The following UBE3C variants were observed in gnomAD, a reference collection of about 807,000 sequenced individuals.
UBE3C encodes ubiquitin-protein ligase E3C.
In UBE3C, 42 loss-of-function variants were observed where a neutral mutation model predicts 129.4. The ratio of observed to expected loss-of-function variants is 0.32; its 90% confidence interval spans 0.25 to 0.42. The LOEUF is 0.42. Among genes scored for constraint, UBE3C ranks in the 10% least tolerant of loss-of-function variants. The pLI, the probability that UBE3C is intolerant of heterozygous loss-of-function variation, is 1.00. For synonymous variants in UBE3C, 510 were observed against 492.4 expected (o/e 1.04, Z -0.47); for missense variants, 1,049 against 1,319.1 (o/e 0.80, Z 3.17).
intron 1 of UBE3C, among the ~76,000 whole-genome samples, chr7:157,139,639 G>C (rs1298946591): frequency 6.6e-6 from 1 of 152,238 alleles, no homozygotes; most frequent in African/African-American, 2.4e-5. Flanking sequence ...CCTGTCCACT[G>C]CGCTTCGGGA....
chr7:157,176,280 A>G (rs986182064), intron 5 of UBE3C, among the ~76,000 whole-genome samples: 1 of 151,962 alleles, frequency 6.6e-6, no homozygotes, highest in Admixed American at 6.6e-5. Flanking sequence ...TTATTTATTT[A>G]TTTTTATTTT....
At chr7:157,225,904 A>G (rs1276713289) in intron 17 of UBE3C, among the ~76,000 whole-genome samples, 3 of 152,186 alleles carry the variant, frequency 2.0e-5, no homozygotes, top group Non-Finnish European at 4.4e-5. Context: ...TCGAACTCTG[A>G]TTGTGCTACT....
At chr7:157,173,944 T>G (rs1808447331) in intron 4 of UBE3C, among the ~76,000 whole-genome samples, 1 of 152,254 alleles carries the variant, frequency 6.6e-6, no homozygotes, top group African/African-American at 2.4e-5. Flanking sequence ...TGCAGAGTGC[T>G]TTTGTGTTGG....
chr7:157,158,861 A>C (rs1383150353), intron 1 of UBE3C, among the ~76,000 whole-genome samples: 1 of 152,204 alleles, frequency 6.6e-6, no homozygotes, highest in Non-Finnish European at 1.5e-5. Context: ...TTGAATGGTA[A>C]AAGCAGAGAT....
At chr7:157,205,390 A>G (rs934025531) in intron 11 of UBE3C, among the ~76,000 whole-genome samples, 1 of 151,970 alleles carries the variant, frequency 6.6e-6, no homozygotes, top group African/African-American at 2.4e-5. Flanking sequence ...ATATGTGTGC[A>G]TAACTGATGA....
At chr7:157,156,330 A>G (rs566960316) in intron 1 of UBE3C, among the ~76,000 whole-genome samples, 28 of 129,654 alleles carry the variant, frequency 2.2e-4, no homozygotes, top group African/African-American at 8.1e-4. Context: ...TTTTTGAGAC[A>G]GAGTCCTGCT....
intron 10 of UBE3C, chr7:157,197,743 A>C: frequency 1.2e-6 from 2 of 1,611,042 alleles, no homozygotes; most frequent in Non-Finnish European, 8.5e-7. Context: ...TGTACAATAA[A>C]GTTCCGGACA....
At chr7:157,233,539 C>T (rs541787067) in intron 18 of UBE3C, among the ~76,000 whole-genome samples, 1 of 152,246 alleles carries the variant, frequency 6.6e-6, no homozygotes, top group South Asian at 2.1e-4. Context: ...CTCAACCTCT[C>T]AAAAGGCTAG....
At chr7:157,205,712 A>T (rs1449598931) in intron 11 of UBE3C, among the ~76,000 whole-genome samples, 1 of 152,240 alleles carries the variant, frequency 6.6e-6, no homozygotes, top group Non-Finnish European at 1.5e-5. Flanking sequence ...GAATCTGTTC[A>T]GCATAGTGCT....
At chr7:157,148,530 A>C (rs1807667945) in intron 1 of UBE3C, among the ~76,000 whole-genome samples, 1 of 152,110 alleles carries the variant, frequency 6.6e-6, no homozygotes, top group African/African-American at 2.4e-5. Context: ...AGTTTTGTAA[A>C]ACTGCCCTCT....
chr7:157,168,334 CAAAA>C (rs34110466), intron 2 of UBE3C, among the ~76,000 whole-genome samples: 6 of 110,036 alleles, frequency 5.5e-5, no homozygotes, highest in Admixed American at 1.8e-4. Context: ...GACTCTGTCT[CAAAA>C]AAAAAAAAAA....
At chr7:157,191,320 C>G (rs995990556) in intron 10 of UBE3C, among the ~76,000 whole-genome samples, 2 of 152,214 alleles carry the variant, frequency 1.3e-5, no homozygotes, top group Admixed American at 6.5e-5. Flanking sequence ...GAAACAAGGT[C>G]TCACTTTGTC....
intron 1 of UBE3C, among the ~76,000 whole-genome samples, chr7:157,139,774 C>G (rs903330747): frequency 6.6e-6 from 1 of 152,348 alleles, no homozygotes; most frequent in East Asian, 1.9e-4. Flanking sequence ...TTTCCATGCT[C>G]GCTCCCGCAT....
intron 1 of UBE3C, 90 bp downstream of exon 1, chr7:157,139,428 C>T (rs1807364714): frequency 1.6e-6 from 2 of 1,230,586 alleles, no homozygotes; most frequent in Non-Finnish European, 2.1e-6. Flanking sequence ...CGGGGCTGGA[C>T]TCGGGGCCGA....
intron 18 of UBE3C, among the ~76,000 whole-genome samples, chr7:157,235,107 C>A (rs56942709): frequency 0.021 from 3,221 of 152,190 alleles, 106 homozygotes; most frequent in African/African-American, 0.074. Context: ...AGGATAATGG[C>A]TTGAACCTGG....
intron 19 of UBE3C, 66 bp from the exon 20 acceptor site, chr7:157,253,888 T>C (rs1796678144): frequency 6.3e-6 from 9 of 1,438,434 alleles, no homozygotes; most frequent in Non-Finnish European, 8.4e-6. Context: ...ATTTGTTTCT[T>C]GCTTTTTTTT....
At chr7:157,158,448 C>T (rs1807977349) in intron 1 of UBE3C, among the ~76,000 whole-genome samples, 1 of 152,154 alleles carries the variant, frequency 6.6e-6, no homozygotes, top group Non-Finnish European at 1.5e-5. Context: ...GTGTAGAGAA[C>T]ACTGCATCTG....
chr7:157,245,940 G>A (rs1022387198), intron 18 of UBE3C, among the ~76,000 whole-genome samples: 13 of 142,640 alleles, frequency 9.1e-5, no homozygotes, highest in East Asian at 2.2e-4. Flanking sequence ...GCAGTGAGCC[G>A]AGATCGTGCC....
At chr7:157,168,485 T>A (rs551177326) in intron 2 of UBE3C, among the ~76,000 whole-genome samples, 1 of 152,210 alleles carries the variant, frequency 6.6e-6, no homozygotes, top group Non-Finnish European at 1.5e-5. Context: ...ACAAAACTTA[T>A]ATATGAATGT....
Sources: gnomAD v4.1 joint callset for allele counts (sites outside exome capture counted in the v4.1 genomes callset) on GRCh38, gnomAD v4.1.1 for gene constraint, MANE v1.5 for transcripts, NCBI Gene and HGNC (gene_info 2026-07-23, HGNC 2026-07-21) for gene names.